BCKDHB: variants seen among roughly 807,000 people sequenced by gnomAD.
BCKDHB encodes the protein branched chain keto acid dehydrogenase E1 subunit beta, also known as 2-oxoisovalerate dehydrogenase subunit beta, mitochondrial.
A neutral mutation model predicts 48.5 loss-of-function variants in BCKDHB; 41 were observed. The observed-to-expected ratio is 0.85, with a 90% CI of 0.66 to 1.10. The LOEUF (loss-of-function observed/expected upper bound fraction) is 1.10. Ranked by LOEUF, BCKDHB falls within the 50% of genes least tolerant of loss-of-function variation. BCKDHB has a pLI of 0.00. For missense variants in BCKDHB, 496 were observed against 494.2 expected (o/e 1.00, Z -0.03); for synonymous variants, 201 against 174.8 (o/e 1.15, Z -1.18).
intron 6 of BCKDHB, among the ~76,000 whole-genome samples, chr6:80,189,417 G>A (rs1407538482): frequency 6.6e-6 from 1 of 151,936 alleles, no homozygotes; most frequent in Non-Finnish European, 1.5e-5. Flanking sequence ...AAGTATTAAG[G>A]GCAAATAAGA....
At chr6:80,466,591 A>C in the BCKDHB span, among the ~76,000 whole-genome samples, 1 of 152,214 alleles carries the variant, frequency 6.6e-6, no homozygotes, top group Non-Finnish European at 1.5e-5. Context: ...CAACATAGAC[A>C]TATATCAAAA....
intron 6 of BCKDHB, among the ~76,000 whole-genome samples, chr6:80,177,147 C>T (rs185988981): frequency 2.0e-4 from 28 of 142,286 alleles, no homozygotes; most frequent in Admixed American, 8.8e-4. Context: ...GGATCACCTG[C>T]GCCTGGGGAG....
At position 80,324,395 on chromosome 6, in the gene BCKDHB, G is replaced by A. The variant is rs79981912; in HGVS notation, c.1039-19269G>A. 8.1e-3 allele frequency among the ~76,000 whole-genome samples: 1,234 copies of A among 152,240 alleles called. 20 individuals carry two copies. Among genetic ancestry groups the A allele is most frequent in the African/African-American group, 0.028 (1,164 of 41,526 alleles). On this transcript the variant is annotated intron_variant, in intron 9 of 9. Transcript: ENST00000320393. Reference sequence around the variant, plus strand: ...AGTGTTGTATGGCCTGATTAGGTAGGAATGAGAGGGAGAGGAAGAAATCAG... The same window carrying A: ...AGTGTTGTATGGCCTGATTAGGTAGAAATGAGAGGGAGAGGAAGAAATCAG...
intron 1 of BCKDHB, among the ~76,000 whole-genome samples, chr6:80,122,609 AG>A (rs908370438): frequency 6.6e-6 from 1 of 152,186 alleles, no homozygotes; most frequent in Non-Finnish European, 1.5e-5. Context: ...TTTTTTATTA[AG>A]GGTTTCAAAA....
chr6:80,311,085 T>C (rs576101061), intron 9 of BCKDHB, among the ~76,000 whole-genome samples: 10 of 152,308 alleles, frequency 6.6e-5, no homozygotes, highest in Admixed American at 6.5e-4. Context: ...AATTGAATCA[T>C]GGGGGCAGAT....
chr6:80,398,033 A>C, the BCKDHB span, among the ~76,000 whole-genome samples: 5 of 152,356 alleles, frequency 3.3e-5, no homozygotes, highest in South Asian at 1.0e-3. Flanking sequence ...TATACTACTG[A>C]GAACAAAGAA....
At chr6:80,190,427 CAGTGGTTA>C (rs1773841306) in intron 6 of BCKDHB, among the ~76,000 whole-genome samples, 1 of 152,066 alleles carries the variant, frequency 6.6e-6, no homozygotes. Context: ...TCTACTATAA[CAGTGGTTA>C]TGAGCTTGGA....
the BCKDHB span, among the ~76,000 whole-genome samples, chr6:80,446,530 C>A: frequency 3.3e-5 from 5 of 152,120 alleles, no homozygotes; most frequent in African/African-American, 1.2e-4. Context: ...GGAGCACGAA[C>A]TCGGTAATGA....
intron 5 of BCKDHB, chr6:80,169,874 G>T: frequency 6.3e-7 from 1 of 1,599,604 alleles, no homozygotes; most frequent in South Asian, 1.1e-5. Flanking sequence ...TGAGCTAGAA[G>T]TTGTAGACTG....
chr6:80,176,399 TTTTTCC>T lies in BCKDHB; in HGVS notation c.742+5012_742+5017del, dbSNP rs1165858712. On this transcript the variant is annotated intron_variant, in intron 6 of 9. Coordinates refer to ENST00000320393, the MANE Select transcript of BCKDHB (RefSeq NM_183050.4). ...GAGGTAAGTGAATGCCAAAGCTGGC[TTTTTCC>T]TTATAGTCATCTTCCAGGTCCTGGA... Among the ~76,000 whole-genome samples, 10 of 152,256 alleles carry T rather than the reference TTTTTCC, an allele frequency of 6.6e-5. No homozygotes were observed. In the East Asian group the frequency reaches 1.7e-3, roughly 26 times the overall value.
the BCKDHB span, among the ~76,000 whole-genome samples, chr6:80,439,071 C>A: frequency 6.6e-6 from 1 of 152,206 alleles, no homozygotes; most frequent in Admixed American, 6.5e-5. Flanking sequence ...CTGCCACATA[C>A]AGAAAACATC....
At chr6:80,314,720 G>A (rs1203168666) in intron 9 of BCKDHB, among the ~76,000 whole-genome samples, 1 of 152,168 alleles carries the variant, frequency 6.6e-6, no homozygotes, top group African/African-American at 2.4e-5. Context: ...CCAAGGTGGT[G>A]GCCTGCCCCT....
chr6:80,441,646 T>C, the BCKDHB span, among the ~76,000 whole-genome samples: 27 of 152,228 alleles, frequency 1.8e-4, no homozygotes, highest in Non-Finnish European at 3.8e-4. Context: ...CAGTGCTTTT[T>C]TGCAGTGTTT....
At chr6:80,256,863 G>A (rs75719017) in intron 8 of BCKDHB, among the ~76,000 whole-genome samples, 5,001 of 152,112 alleles carry the variant, frequency 0.033, 279 homozygotes, top group African/African-American at 0.11. Flanking sequence ...TTAAAAAATG[G>A]CAACATATGG....
intron 8 of BCKDHB, among the ~76,000 whole-genome samples, chr6:80,221,398 C>T (rs977797721): frequency 6.6e-6 from 1 of 152,144 alleles, no homozygotes; most frequent in Non-Finnish European, 1.5e-5. Context: ...GACATGAAAG[C>T]GTATACTCAG....
intron 9 of BCKDHB, among the ~76,000 whole-genome samples, chr6:80,317,633 C>A (rs1768516716): frequency 6.6e-6 from 1 of 152,194 alleles, no homozygotes; most frequent in African/African-American, 2.4e-5. Flanking sequence ...TTAATTACAC[C>A]TGCAAAGTCC....
chr6:80,375,957 C>T, the BCKDHB span, among the ~76,000 whole-genome samples: 1 of 152,166 alleles, frequency 6.6e-6, no homozygotes, highest in African/African-American at 2.4e-5. Context: ...CAAGAGGTGG[C>T]ACTTCCAAGA....
At chr6:80,260,135 C>G (rs989117201) in intron 8 of BCKDHB, among the ~76,000 whole-genome samples, 1 of 152,132 alleles carries the variant, frequency 6.6e-6, no homozygotes, top group Non-Finnish European at 1.5e-5. Context: ...ACACCACTCT[C>G]ACCGCTAGTT....
the BCKDHB span, among the ~76,000 whole-genome samples, chr6:80,398,644 A>T: frequency 0.36 from 54,466 of 151,378 alleles, 11,475 homozygotes; most frequent in East Asian, 0.66. Context: ...TTCACAGTCA[A>T]ATTCTACCAG....
Sources: gnomAD v4.1 joint callset for allele counts (sites outside exome capture counted in the v4.1 genomes callset) on GRCh38, gnomAD v4.1.1 for gene constraint, MANE v1.5 for transcripts, NCBI Gene and HGNC (gene_info 2026-07-23, HGNC 2026-07-21) for gene names.